Variants in CNTNAP2 observed in about 807,000 individuals in gnomAD.
CNTNAP2 encodes the protein contactin associated protein 2, also known as contactin-associated protein-like 2.
In CNTNAP2, 98 loss-of-function variants were observed where a neutral mutation model predicts 155.2. That is an observed-to-expected ratio of 0.63 (90% CI 0.54 to 0.75). The LOEUF is 0.75. Among genes scored for constraint, CNTNAP2 ranks in the 30% least tolerant of loss-of-function variants. The probability of loss-of-function intolerance (pLI) is 0.00; values close to 1 mark genes in which losing one functional copy is unlikely to be tolerated. For missense variants in CNTNAP2, 1,727 were observed against 1,688.1 expected, an observed-to-expected ratio of 1.02 and a Z score of -0.40; for synonymous variants, 651 against 631.2, an observed-to-expected ratio of 1.03 and a Z score of -0.47.
At chr7:148,373,328 T>C (rs1730396) in intron 21 of CNTNAP2, among the ~76,000 whole-genome samples, 108,254 of 151,728 alleles carry the variant, frequency 0.71, 39,830 homozygotes, top group Admixed American at 0.81. Context: ...TGGTGGCGGG[T>C]GCCTATAATC....
chr7:147,261,024 C>T (rs1256071122), intron 8 of CNTNAP2, among the ~76,000 whole-genome samples: 1 of 152,206 alleles, frequency 6.6e-6, no homozygotes, highest in Non-Finnish European at 1.5e-5. Context: ...CAACCAGACA[C>T]ATCTCTGTCC....
chr7:148,018,870 T>G (rs62473289), intron 15 of CNTNAP2, among the ~76,000 whole-genome samples: 5,834 of 152,320 alleles, frequency 0.038, 242 homozygotes, highest in East Asian at 0.24. Context: ...ACTCAAACAT[T>G]GTGGGAAGAA....
At chr7:146,174,140 C>A (rs13438331) in intron 1 of CNTNAP2, among the ~76,000 whole-genome samples, 3 of 150,942 alleles carry the variant, frequency 2.0e-5, no homozygotes. Flanking sequence ...CAGGGGAGGA[C>A]GCAGTGAGCT....
chr7:147,245,434 G>A lies in CNTNAP2; in HGVS notation c.1349-54707G>A, dbSNP rs77557662. ...CCACCTCAGCCTCCACAGAGCATCA[G>A]TTGCTGTTTCATCCCGGGTTGGTCC... On this transcript the variant is annotated intron_variant, in intron 8 of 23. Coordinates refer to ENST00000361727, the MANE Select transcript of CNTNAP2 (RefSeq NM_014141.6). Among the ~76,000 whole-genome samples the A allele has an allele frequency of 7.9e-3, 1,204 of 152,110 alleles. 13 individuals carry two copies. Among genetic ancestry groups the A allele is most frequent in the African/African-American group, 0.028 (1,141 of 41,478 alleles).
In CNTNAP2 at chr7:148,416,339, T is replaced by G. The variant is rs1052778733; in HGVS notation, c.*723T>G. On this transcript the variant is annotated 3_prime_UTR_variant, in exon 24 of 24. Coordinates refer to ENST00000361727, the MANE Select transcript of CNTNAP2 (RefSeq NM_014141.6). Reference sequence around the variant, plus strand: ...GGTAGTTTGATTTTTCATTGAATTCTACAAGCTAATATTGTTCCACGTATG... The same window carrying G: ...GGTAGTTTGATTTTTCATTGAATTCGACAAGCTAATATTGTTCCACGTATG... 1.3e-5 allele frequency: 2 copies of G among 152,258 alleles called. No individual in the cohort carries two copies. Among genetic ancestry groups the G allele is most frequent in the African/African-American group, 4.8e-5 (2 of 41,282 alleles). 9.4% of individuals were successfully genotyped at this position (152,258 alleles called of 1,614,324 possible). A position where few individuals can be genotyped will look rare whatever the true frequency, so the allele number is the denominator to read the frequency against.
chr7:146,958,419 T>TGTTTG (rs1797484326), intron 3 of CNTNAP2, among the ~76,000 whole-genome samples: 1 of 139,654 alleles, frequency 7.2e-6, no homozygotes, highest in African/African-American at 2.7e-5. Flanking sequence ...TTTTTTTTTT[T>TGTTTG]TTTTTTTTTT....
intron 5 of CNTNAP2, among the ~76,000 whole-genome samples, chr7:147,117,647 A>G (rs1801016570): frequency 6.6e-6 from 1 of 152,092 alleles, no homozygotes; most frequent in African/African-American, 2.4e-5. Flanking sequence ...AGGCTATTTG[A>G]TTTATTTGGC....
At chr7:148,408,690 G>A (rs527886442) in intron 22 of CNTNAP2, among the ~76,000 whole-genome samples, 8 of 152,320 alleles carry the variant, frequency 5.3e-5, no homozygotes, top group African/African-American at 1.4e-4. Context: ...AGTTGGATTA[G>A]GTCCTATGGA....
intron 1 of CNTNAP2, among the ~76,000 whole-genome samples, chr7:146,452,564 C>A (rs1424159035): frequency 6.6e-6 from 1 of 152,188 alleles, no homozygotes; most frequent in Non-Finnish European, 1.5e-5. Flanking sequence ...TTGATCCTCA[C>A]TGGAAATATA....
chr7:147,145,369 A>G (rs1362668078), intron 8 of CNTNAP2, among the ~76,000 whole-genome samples: 1 of 152,100 alleles, frequency 6.6e-6, no homozygotes, highest in Non-Finnish European at 1.5e-5. Context: ...CTGGCACACA[A>G]TGAATAGAGG....
chr7:146,362,290 C>T (rs889853332), intron 1 of CNTNAP2, among the ~76,000 whole-genome samples: 4 of 152,002 alleles, frequency 2.6e-5, no homozygotes, highest in African/African-American at 9.7e-5. Context: ...ACGAGAAAAA[C>T]GAAAACAAAG....
chr7:148,174,419 CG>C (rs67002110), intron 18 of CNTNAP2, among the ~76,000 whole-genome samples: 17 of 142,440 alleles, frequency 1.2e-4, no homozygotes, highest in African/African-American at 2.7e-4. Context: ...TTCCTGTGAC[CG>C]CCCCCCACCT....
At chr7:148,229,837 A>G (rs1170809006) in intron 20 of CNTNAP2, 58 bp downstream of exon 20, 10 of 1,602,538 alleles carry the variant, frequency 6.2e-6, no homozygotes, top group Admixed American at 1.7e-5. Flanking sequence ...CCCTGTCCCT[A>G]TAATGCTTGG....
intron 15 of CNTNAP2, among the ~76,000 whole-genome samples, chr7:148,065,187 C>T (rs1337439656): frequency 3.3e-5 from 5 of 152,106 alleles, no homozygotes; most frequent in Non-Finnish European, 7.4e-5. Context: ...CTTAAACTTA[C>T]TGAGACTTGT....
At chr7:148,163,685 C>A (rs947301276) in intron 17 of CNTNAP2, among the ~76,000 whole-genome samples, 16 of 152,176 alleles carry the variant, frequency 1.1e-4, no homozygotes, top group Admixed American at 1.0e-3. Flanking sequence ...TCTGAAAAAG[C>A]AATTTTCCAA....
intron 14 of CNTNAP2, among the ~76,000 whole-genome samples, chr7:147,975,028 A>G (rs933672916): frequency 1.3e-5 from 2 of 151,590 alleles, no homozygotes; most frequent in African/African-American, 4.8e-5. Flanking sequence ...TGTATTACAT[A>G]TAATACAATT....
intron 21 of CNTNAP2, among the ~76,000 whole-genome samples, chr7:148,289,774 A>AG (rs1479854374): frequency 6.6e-6 from 1 of 152,158 alleles, no homozygotes; most frequent in Admixed American, 6.5e-5. Context: ...ACCTCTTTAC[A>AG]GGACAAGGCA....
At chr7:147,395,859 C>A in intron 10 of CNTNAP2, 79 bp downstream of exon 10, 1 of 1,520,574 alleles carries the variant, frequency 6.6e-7, no homozygotes, top group Non-Finnish European at 9.1e-7. Flanking sequence ...AGTGAAACAT[C>A]CCAAAAGAAA....
At chr7:148,181,111 C>T (rs960387495) in intron 18 of CNTNAP2, among the ~76,000 whole-genome samples, 1 of 152,166 alleles carries the variant, frequency 6.6e-6, no homozygotes, top group Non-Finnish European at 1.5e-5. Flanking sequence ...AGAGTTACAC[C>T]ATTGGCTTCT....
Sources: allele counts gnomAD v4.1 joint callset (sites outside exome capture counted in the v4.1 genomes callset), GRCh38; gene constraint gnomAD v4.1.1; transcripts MANE v1.5; gene names NCBI Gene and HGNC (gene_info 2026-07-23, HGNC 2026-07-21).